Variants in FRMPD4 observed in about 807,000 individuals in gnomAD.
The protein encoded by FRMPD4 is FERM and PDZ domain-containing protein 4.
In FRMPD4, 22 loss-of-function variants were observed where a neutral mutation model predicts 94.1. The ratio of observed to expected loss-of-function variants is 0.23; its 90% CI spans 0.17 to 0.33. The LOEUF (loss-of-function observed/expected upper bound fraction) is 0.33. Among genes scored for constraint, FRMPD4 ranks in the 10% least tolerant of loss-of-function variants. The probability of loss-of-function intolerance (pLI) is 1.00; values close to 1 mark genes in which losing one functional copy is unlikely to be tolerated. For missense variants in FRMPD4, 1,111 were observed against 1,339.9 expected, an observed-to-expected ratio of 0.83 and a Z score of 2.67; for synonymous variants, 631 against 548.6, an observed-to-expected ratio of 1.15 and a Z score of -2.10.
intron 3 of FRMPD4, among the ~76,000 whole-genome samples, chrX:12,020,523 G>A (rs1365128007): frequency 9.0e-6 from 1 of 111,625 alleles, no homozygotes; most frequent in African/African-American, 3.3e-5. Context: ...GATAGTGTAT[G>A]AAGAACTGCG....
At chrX:11,978,321 C>CA (rs1172824155) in intron 3 of FRMPD4, among the ~76,000 whole-genome samples, 7,507 of 16,274 alleles carry the variant, frequency 0.46, 2,371 homozygotes, top group East Asian at 0.71. Flanking sequence ...AACTCCATCT[C>CA]AAAAAAAAAA....
intron 1 of FRMPD4, among the ~76,000 whole-genome samples, chrX:12,318,653 G>A (rs2055162235): frequency 8.9e-6 from 1 of 111,864 alleles, no homozygotes; most frequent in African/African-American, 3.2e-5. Context: ...AGACGAGTTA[G>A]TTAGTGGATA....
intron 1 of FRMPD4, among the ~76,000 whole-genome samples, chrX:12,257,570 A>T (rs926858716): frequency 3.6e-5 from 4 of 111,392 alleles, no homozygotes; most frequent in African/African-American, 1.3e-4. Context: ...GTGGTAAACA[A>T]GATTAGGCAA....
At chrX:12,050,966 A>G (rs1183254668) in intron 3 of FRMPD4, among the ~76,000 whole-genome samples, 1 of 111,920 alleles carries the variant, frequency 8.9e-6, no homozygotes, top group African/African-American at 3.2e-5. Flanking sequence ...CATTACTACA[A>G]TGAAACACAC....
intron 3 of FRMPD4, among the ~76,000 whole-genome samples, chrX:11,998,443 T>C (rs2054507986): frequency 9.0e-6 from 1 of 111,521 alleles, no homozygotes; most frequent in African/African-American, 3.3e-5. Context: ...GATAGGAAAA[T>C]GAAGATTCTT....
chrX:12,385,414 A>C (rs939281890), intron 1 of FRMPD4, among the ~76,000 whole-genome samples: 1 of 112,260 alleles, frequency 8.9e-6, no homozygotes, highest in African/African-American at 3.2e-5. Flanking sequence ...TGGTGTAGAG[A>C]GGGCAAGTCC....
chrX:11,941,045 C>G (rs2054156785), intron 3 of FRMPD4, among the ~76,000 whole-genome samples: 1 of 28,681 alleles, frequency 3.5e-5, no homozygotes, highest in African/African-American at 1.0e-4. Flanking sequence ...GGGAGTGACC[C>G]GATTTTCCAG....
At chrX:12,007,219 A>G (rs2054558281) in intron 3 of FRMPD4, among the ~76,000 whole-genome samples, 1 of 111,245 alleles carries the variant, frequency 9.0e-6, no homozygotes, top group South Asian at 3.9e-4. Context: ...CCACATTGAG[A>G]GTAACTAAGA....
At chrX:11,987,097 T>TGAAAAAAAAAAAA (rs1569137639) in intron 3 of FRMPD4, among the ~76,000 whole-genome samples, 2 of 14,649 alleles carry the variant, frequency 1.4e-4, no homozygotes, top group Non-Finnish European at 2.2e-4. Flanking sequence ...CAAAGACACA[T>TGAAAAAAAAAAAA]TAAAAAAAAA....
At chrX:12,581,373 T>C (rs2058862824) in intron 2 of FRMPD4, among the ~76,000 whole-genome samples, 1 of 111,655 alleles carries the variant, frequency 9.0e-6, no homozygotes, top group Non-Finnish European at 1.9e-5. Flanking sequence ...AAAATATATG[T>C]GTAATAAATG....
At chrX:12,306,800 C>T (rs73192413) in intron 1 of FRMPD4, among the ~76,000 whole-genome samples, 132 of 112,430 alleles carry the variant, frequency 1.2e-3, no homozygotes, top group Admixed American at 9.4e-4. Context: ...CACTACTGTG[C>T]CACTGGAAAT....
chrX:12,056,407 G>T (rs1486526443), intron 3 of FRMPD4, among the ~76,000 whole-genome samples: 1 of 111,795 alleles, frequency 8.9e-6, no homozygotes, highest in Non-Finnish European at 1.9e-5. Context: ...AAACAAGGTA[G>T]GTCAGATAAT....
intron 2 of FRMPD4, among the ~76,000 whole-genome samples, chrX:12,589,224 A>AT (rs1402679036): frequency 1.8e-5 from 2 of 111,601 alleles, no homozygotes; most frequent in Middle Eastern, 4.2e-3. Context: ...ATTGAGCTTG[A>AT]TTTTTTCCTT....
intron 3 of FRMPD4, among the ~76,000 whole-genome samples, chrX:12,017,334 C>G (rs2054609529): frequency 8.9e-6 from 1 of 112,541 alleles, no homozygotes; most frequent in South Asian, 3.6e-4. Flanking sequence ...AAAATAGAAG[C>G]TAGACTTTCT....
chrX:12,549,493 T>A (rs750049393), intron 2 of FRMPD4, among the ~76,000 whole-genome samples: 12 of 112,764 alleles, frequency 1.1e-4, no homozygotes, highest in Admixed American at 1.9e-4. Context: ...ATGTACCTTT[T>A]CTTGATTAAT....
intron 2 of FRMPD4, among the ~76,000 whole-genome samples, chrX:12,579,652 ATTT>A (rs755159722): frequency 9.0e-6 from 1 of 111,373 alleles, no homozygotes; most frequent in Non-Finnish European, 1.9e-5. Context: ...AAACCCATAG[ATTT>A]TTTTTAGACA....
At chrX:12,578,314 A>G (rs768963888) in intron 2 of FRMPD4, among the ~76,000 whole-genome samples, 1 of 112,435 alleles carries the variant, frequency 8.9e-6, no homozygotes, top group South Asian at 3.7e-4. Context: ...TGTTGCCAGT[A>G]AGATCAGATT....
rs1382933175 is a variant in FRMPD4 at position 12,153,126 on chromosome X, C to T, written c.41+14114C>T. On this transcript the variant is annotated intron_variant, in intron 1 of 16. Transcript: ENST00000675598. The stretch of plus-strand genomic sequence containing the variant: ...TTTTTTTTTGTATTTTTAGTAGAGA[C>T]GGGGTTTCACCTTGTTAGCCAGGAT... Among the ~76,000 whole-genome samples the T allele has an allele frequency of 4.5e-5, 5 of 110,371 alleles. No homozygotes were observed. In the East Asian group the frequency reaches 1.1e-3, roughly 25 times the overall value.
At chrX:12,180,652 G>A (rs1265546508) in intron 1 of FRMPD4, among the ~76,000 whole-genome samples, 2 of 112,508 alleles carry the variant, frequency 1.8e-5, no homozygotes. Context: ...TATATTGTTG[G>A]TTTAAATCAG....
Sources: allele counts gnomAD v4.1 joint callset (sites outside exome capture counted in the v4.1 genomes callset), GRCh38; gene constraint gnomAD v4.1.1; transcripts MANE v1.5; gene names NCBI Gene and HGNC (gene_info 2026-07-23, HGNC 2026-07-21).